ANXA8: variants seen among roughly 807,000 people sequenced by gnomAD.
ANXA8 encodes the protein VAC-beta.
In ANXA8, 9 loss-of-function variants were observed where a neutral mutation model predicts 26.8. That is an observed-to-expected ratio of 0.34 (90% CI 0.20 to 0.59). ANXA8 has a LOEUF of 0.59. ANXA8 is among the 20% of genes least tolerant of loss of function. ANXA8 has a pLI of 0.84. For synonymous variants in ANXA8, 39 were observed against 94.8 expected (o/e 0.41, Z 3.42); for missense variants, 83 against 238.5 (o/e 0.35, Z 4.29).
the ANXA8 span, among the ~76,000 whole-genome samples, chr10:47,593,629 T>C: frequency 2.0e-5 from 3 of 149,660 alleles, 1 homozygote; most frequent in African/African-American, 7.6e-5. Flanking sequence ...CAGCAACCTA[T>C]CTGTAACCAA....
chr10:47,501,154 G>T, the ANXA8 span, among the ~76,000 whole-genome samples: 1 of 140,492 alleles, frequency 7.1e-6, no homozygotes, highest in Non-Finnish European at 1.5e-5. Flanking sequence ...CGCCTGCCTC[G>T]GCCTCCCAAA....
the ANXA8 span, among the ~76,000 whole-genome samples, chr10:47,709,797 T>G: frequency 1.1e-5 from 1 of 88,886 alleles, no homozygotes; most frequent in Non-Finnish European, 2.1e-5. Context: ...TGAGCCTGTT[T>G]CAGAAGGGGC....
the ANXA8 span, among the ~76,000 whole-genome samples, chr10:47,955,489 C>T: frequency 4.5e-4 from 68 of 149,990 alleles, no homozygotes; most frequent in Admixed American, 4.5e-3. Flanking sequence ...TAGCCTGTTG[C>T]TCCTAGGCTA....
At chr10:47,684,970 T>C in the ANXA8 span, among the ~76,000 whole-genome samples, 39 of 150,556 alleles carry the variant, frequency 2.6e-4, no homozygotes, top group Non-Finnish European at 1.3e-4. Context: ...CCTTCTTCCG[T>C]TGTGGCCCAG....
the ANXA8 span, among the ~76,000 whole-genome samples, chr10:47,648,684 GT>G: frequency 3.1e-5 from 3 of 97,136 alleles, no homozygotes; most frequent in Non-Finnish European, 5.6e-5. Flanking sequence ...GAGGAAAACA[GT>G]GTTCATTTTC....
chr10:47,907,050 C>CAG, the ANXA8 span, among the ~76,000 whole-genome samples: 4 of 150,950 alleles, frequency 2.6e-5, no homozygotes, highest in Non-Finnish European at 1.5e-5. Flanking sequence ...AGAAGGAACT[C>CAG]AGTTCTTCAG....
the ANXA8 span, among the ~76,000 whole-genome samples, chr10:47,534,590 C>T: frequency 7.7e-6 from 1 of 130,000 alleles, no homozygotes; most frequent in Non-Finnish European, 1.6e-5. Context: ...TTTATTTATA[C>T]AAGTTCCTTA....
chr10:47,769,810 A>G, the ANXA8 span, among the ~76,000 whole-genome samples: 2 of 152,302 alleles, frequency 1.3e-5, no homozygotes, highest in African/African-American at 2.4e-5. Context: ...GCCTTGCAAC[A>G]TGGTGGGTGC....
chr10:47,928,780 G>A, the ANXA8 span, among the ~76,000 whole-genome samples: 1 of 118,114 alleles, frequency 8.5e-6, no homozygotes, highest in African/African-American at 3.2e-5. Flanking sequence ...TTTAGAGACA[G>A]GGTCTTGCTC....
At chr10:47,567,062 C>T in the ANXA8 span, among the ~76,000 whole-genome samples, 4 of 143,054 alleles carry the variant, frequency 2.8e-5, no homozygotes, top group Admixed American at 2.8e-4. Flanking sequence ...ACTTGGAAAC[C>T]AGGTGTGCAC....
the ANXA8 span, among the ~76,000 whole-genome samples, chr10:47,503,886 G>A: frequency 2.2e-5 from 2 of 89,516 alleles, no homozygotes; most frequent in Non-Finnish European, 2.0e-5. Context: ...CCTGCAGTGA[G>A]CCAAGATCGC....
the ANXA8 span, among the ~76,000 whole-genome samples, chr10:47,946,101 C>T: frequency 0.076 from 9,882 of 129,270 alleles, 76 homozygotes; most frequent in African/African-American, 0.15. Flanking sequence ...TGTAGAATGC[C>T]TACACTCTGC....
chr10:47,699,777 A>G, the ANXA8 span, among the ~76,000 whole-genome samples: 2 of 151,778 alleles, frequency 1.3e-5, no homozygotes, highest in African/African-American at 4.8e-5. Flanking sequence ...GGTTGCAGTG[A>G]GCTGTGATTG....
chr10:47,700,911 G>A, the ANXA8 span, among the ~76,000 whole-genome samples: 1 of 150,550 alleles, frequency 6.6e-6, no homozygotes, highest in Non-Finnish European at 1.5e-5. Context: ...GTGAGACCCT[G>A]TCTCTACAAA....
chr10:47,703,516 C>T, the ANXA8 span, among the ~76,000 whole-genome samples: 177 of 149,380 alleles, frequency 1.2e-3, no homozygotes, highest in African/African-American at 4.0e-3. Flanking sequence ...TGCAGTGAGC[C>T]GTGATCATGC....
the ANXA8 span, among the ~76,000 whole-genome samples, chr10:47,957,210 A>C: frequency 6.7e-6 from 1 of 150,178 alleles, no homozygotes; most frequent in Non-Finnish European, 1.5e-5. Context: ...TTTCTGTCTC[A>C]GAGGAGAGAG....
At chr10:47,673,283 A>C in the ANXA8 span, among the ~76,000 whole-genome samples, 1 of 151,552 alleles carries the variant, frequency 6.6e-6, no homozygotes, top group South Asian at 2.1e-4. Context: ...TCCCAAGTAT[A>C]GGGCAACCAC....
At chr10:47,778,198 CT>C in the ANXA8 span, among the ~76,000 whole-genome samples, 1 of 147,364 alleles carries the variant, frequency 6.8e-6, no homozygotes, top group Non-Finnish European at 1.5e-5. Context: ...CTGAACATCC[CT>C]AATCTGAAAA....
At chr10:47,724,908 A>G in the ANXA8 span, among the ~76,000 whole-genome samples, 5 of 137,142 alleles carry the variant, frequency 3.6e-5, no homozygotes, top group South Asian at 1.1e-3. Context: ...TCTGTTCTAG[A>G]TATTTTATAT....
Sources: gnomAD v4.1 joint callset for allele counts (sites outside exome capture counted in the v4.1 genomes callset) on GRCh38, gnomAD v4.1.1 for gene constraint, MANE v1.5 for transcripts, NCBI Gene and HGNC (gene_info 2026-07-23, HGNC 2026-07-21) for gene names.